Variants in RASA2 observed in about 807,000 individuals in gnomAD.
RASA2 encodes the protein RAS p21 protein activator 2.
A neutral mutation model predicts 118.2 loss-of-function variants in RASA2; 155 were observed. That is an observed-to-expected ratio of 1.31 (90% CI 1.15 to 1.50). RASA2 has a LOEUF of 1.50. Among genes scored for constraint, RASA2 ranks in the 40% most tolerant of loss-of-function variants. The pLI is 0.00. For synonymous variants in RASA2, 353 were observed against 349.1 expected, an observed-to-expected ratio of 1.01 and a Z score of -0.12; for missense variants, 1,016 against 1,009.6, an observed-to-expected ratio of 1.01 and a Z score of -0.09.
chr3:141,572,515 C>G, intron 11 of RASA2, 94 bp from the exon 12 acceptor site: 1 of 852,736 alleles, frequency 1.2e-6, no homozygotes, highest in Non-Finnish European at 2.0e-6. Flanking sequence ...TCTATTTCAG[C>G]TAAATGCTTC....
chr3:141,612,144 C>T, intron 23 of RASA2, 139 bp from the exon 24 acceptor site: 2 of 671,546 alleles, frequency 3.0e-6, no homozygotes, highest in Non-Finnish European at 5.2e-6. Flanking sequence ...TCAGTAAGTA[C>T]TCATTGAATT....
chr3:141,547,598 G>A (rs1213966713), intron 5 of RASA2, among the ~76,000 whole-genome samples: 1 of 152,090 alleles, frequency 6.6e-6, no homozygotes, highest in Non-Finnish European at 1.5e-5. Flanking sequence ...TAGTTTTTTG[G>A]TGGAGTCTTT....
intron 3 of RASA2, among the ~76,000 whole-genome samples, chr3:141,516,729 C>T (rs1419022981): frequency 6.6e-6 from 1 of 150,970 alleles, no homozygotes; most frequent in South Asian, 2.1e-4. Flanking sequence ...TGTTTCATAT[C>T]TAGGTTCTCT....
intron 17 of RASA2, among the ~76,000 whole-genome samples, chr3:141,584,310 G>A (rs184667178): frequency 8.1e-4 from 87 of 107,620 alleles, no homozygotes; most frequent in African/African-American, 3.0e-3. Context: ...CAGCCTGGGC[G>A]ACAGAACAAA....
At chr3:141,534,336 A>G (rs1166721586) in intron 4 of RASA2, among the ~76,000 whole-genome samples, 1 of 152,154 alleles carries the variant, frequency 6.6e-6, no homozygotes, top group Non-Finnish European at 1.5e-5. Flanking sequence ...GAAGTTTGAG[A>G]CCAGCTTGGG....
chr3:141,491,183 A>G (rs773342496), intron 1 of RASA2, among the ~76,000 whole-genome samples: 55 of 152,066 alleles, frequency 3.6e-4, no homozygotes, highest in Non-Finnish European at 4.3e-4. Flanking sequence ...CTTTTCCACT[A>G]TCCATTGTAT....
At chr3:141,592,356 A>G (rs2083297708) in intron 19 of RASA2, among the ~76,000 whole-genome samples, 1 of 152,226 alleles carries the variant, frequency 6.6e-6, no homozygotes, top group Admixed American at 6.5e-5. Flanking sequence ...TAAAGAGATA[A>G]GAGAAAGCTC....
intron 1 of RASA2, 28 bp from the exon 2 acceptor site, chr3:141,512,135 A>G: frequency 2.0e-6 from 3 of 1,474,028 alleles, no homozygotes; most frequent in Non-Finnish European, 2.8e-6. Flanking sequence ...ATGATATTTA[A>G]TAACAATTTT....
At chr3:141,537,076 C>T (rs79128308) in intron 4 of RASA2, among the ~76,000 whole-genome samples, 4,685 of 152,104 alleles carry the variant, frequency 0.031, 240 homozygotes, top group African/African-American at 0.1. Flanking sequence ...GTTACTTCTT[C>T]GTAGGTTCTT....
chr3:141,610,406 ATATATT>A (rs1197909130), intron 23 of RASA2, among the ~76,000 whole-genome samples: 4 of 105,454 alleles, frequency 3.8e-5, no homozygotes, highest in East Asian at 2.7e-4. Context: ...TTTATATATT[ATATATT>A]TATATTTATA....
intron 4 of RASA2, among the ~76,000 whole-genome samples, chr3:141,539,209 A>G (rs74815948): frequency 0.021 from 3,216 of 152,326 alleles, 55 homozygotes; most frequent in Middle Eastern, 0.044. Context: ...TGCAGGAATA[A>G]TGAAAGACCT....
intron 1 of RASA2, 92 bp from the exon 2 acceptor site, chr3:141,512,068 TTAA>T: frequency 2.6e-6 from 2 of 769,914 alleles, no homozygotes; most frequent in Non-Finnish European, 4.2e-6. Flanking sequence ...CTGTGCCACA[TTAA>T]TATGTTCTTT....
Position 141,512,485 on chromosome 3 carries a change from G to A in RASA2, c.251+205G>A, listed in dbSNP as rs146413569. Among the ~76,000 whole-genome samples, 219 of 152,154 alleles carry A rather than the reference G, an allele frequency of 1.4e-3. 7 individuals are homozygous for A. The East Asian group carries it at 0.024, about 17-fold the overall frequency. ...GGAGAAAAGTTTTTTCACATGACAG[G>A]CTAAATATTGCCTATTCGTTTGAAC... On this transcript the variant is annotated intron_variant, in intron 2 of 23. Transcript: ENST00000286364.
At chr3:141,516,583 T>C in intron 3 of RASA2, 152 bp downstream of exon 3, 1 of 629,046 alleles carries the variant, frequency 1.6e-6, no homozygotes, top group Non-Finnish European at 2.2e-6. Context: ...AATTTCATTT[T>C]TAATTTGTAT....
rs1239735131 is a variant in RASA2 at position 141,581,096 on chromosome 3, T to G, written c.1675-4T>G. 1 of 1,526,146 alleles carries G rather than the reference T, an allele frequency of 6.6e-7. No individual in the cohort carries two copies. The highest frequency in any genetic ancestry group is 8.7e-7 in the Non-Finnish European group (1 of 1,144,924). 94.5% of individuals were successfully genotyped at this position (1,526,146 alleles called of 1,614,324 possible). ...ATATAAACCCTGTGTTTGTTTTTTC[T>G]TAGTCAAGTTTCAAAGAGACATTCA... On this transcript the variant is annotated splice_region_variant and splice_polypyrimidine_tract_variant and intron_variant, in intron 16 of 23. Transcript: ENST00000286364.
Position 141,487,073 on chromosome 3 carries a change from CG to C in RASA2, c.-8del. ...CAGGCGGCAGGGCTGCGGCACGGGC[CG>C]GGCGGCACCATGGCGGCGGCGGCGC... is the stretch of plus-strand genomic sequence containing the variant. On this transcript the variant is annotated 5_prime_UTR_variant, in exon 1 of 24. Coordinates refer to ENST00000286364, the MANE Select transcript of RASA2 (RefSeq NM_006506.5). 1.5e-6 allele frequency: 2 copies of C among 1,307,496 alleles called. No individual in the cohort carries two copies. Among genetic ancestry groups the C allele is most frequent in the Non-Finnish European group, 9.8e-7 (1 of 1,018,456 alleles). The allele number at this position is 1,307,496 out of a possible 1,614,324, so 81.0% of individuals were successfully genotyped here.
In RASA2 at chr3:141,607,704, G is replaced by A. The variant is rs150847466; in HGVS notation, c.1960G>A (p.Val654Ile). Residue 654 changes from valine (V) to isoleucine (I), a missense_variant, in exon 20 of 24, where the codon GTA becomes ATA. Val to Ile is a conservative substitution (Grantham distance 29). This residue lies in a region of RASA2 where 896 missense variants were observed against 836.4 expected (regional missense o/e 1.07). Transcript: ENST00000286364. Reference sequence around the variant, plus strand: ...CAAAGATGCAATCTACACAATCCCAGTAAAAAACATTCTTGCTGTGGAAAA... The same window carrying A: ...CAAAGATGCAATCTACACAATCCCAATAAAAAACATTCTTGCTGTGGAAAA... ...PGKDAIYTIP[V>I]KNILAVEKLE... 2.1e-5 allele frequency: 34 copies of A among 1,597,850 alleles called. No individual in the cohort carries two copies. In the African/African-American group the frequency reaches 3.9e-4, roughly 18 times the overall value.
In RASA2 at chr3:141,614,037, T is replaced by C. The variant is rs993775752; in HGVS notation, c.*1724T>C. 2 of 152,238 alleles carry C rather than the reference T, an allele frequency of 1.3e-5. No individual in the cohort carries two copies. The highest frequency in any genetic ancestry group is 4.8e-5 in the African/African-American group (2 of 41,472). The allele number at this position is 152,238 out of a possible 1,614,324, so 9.4% of individuals were successfully genotyped here. ...TTCTCAAATTGCATTTAGATTAAAA[T>C]TCCTTTTAAGAGTGTCTGAAATGTC... is the stretch of plus-strand genomic sequence containing the variant. On this transcript the variant is annotated 3_prime_UTR_variant, in exon 24 of 24. Coordinates refer to ENST00000286364, the MANE Select transcript of RASA2 (RefSeq NM_006506.5).
chr3:141,494,260 C>A (rs555238074), intron 1 of RASA2, among the ~76,000 whole-genome samples: 5 of 152,348 alleles, frequency 3.3e-5, no homozygotes, highest in African/African-American at 1.2e-4. Context: ...TAAACTATAG[C>A]AATTTAAGCT....
Sources: gnomAD v4.1 joint callset for allele counts (sites outside exome capture counted in the v4.1 genomes callset) on GRCh38, gnomAD v4.1.1 for gene constraint, gnomAD v4.1.1 regional missense constraint, MANE v1.5 for transcripts, NCBI Gene and HGNC (gene_info 2026-07-23, HGNC 2026-07-21) for gene names.